GMEB1: variants seen among roughly 807,000 people sequenced by gnomAD.
The protein encoded by GMEB1 is glucocorticoid modulatory element binding protein 1, also known as glucocorticoid modulatory element-binding protein 1.
In GMEB1, 6 loss-of-function variants were observed where a neutral mutation model predicts 52.4. That is an observed-to-expected ratio of 0.11 (90% CI 0.06 to 0.23). GMEB1 has a LOEUF of 0.23. Among genes scored for constraint, GMEB1 ranks in the 10% least tolerant of loss-of-function variants. The pLI is 1.00. For synonymous variants in GMEB1, 255 were observed against 244.9 expected, an observed-to-expected ratio of 1.04 and a Z score of -0.38; for missense variants, 486 against 685.6, an observed-to-expected ratio of 0.71 and a Z score of 3.25.
At chr1:28,691,899 G>A (rs917063766) in intron 4 of GMEB1, among the ~76,000 whole-genome samples, 190 bp downstream of exon 4, 2 of 151,504 alleles carry the variant, frequency 1.3e-5, no homozygotes, top group Admixed American at 1.3e-4. Flanking sequence ...AAGAACTTTG[G>A]GTTGGGTGTG....
intron 2 of GMEB1, among the ~76,000 whole-genome samples, chr1:28,688,908 T>TTTTTTTTTC (rs1669819548): frequency 6.6e-6 from 1 of 151,674 alleles, no homozygotes; most frequent in African/African-American, 2.4e-5. Flanking sequence ...TTTTTCTTTT[T>TTTTTTTTTC]TGAGACAGAG....
intron 4 of GMEB1, 116 bp from the exon 5 acceptor site, chr1:28,692,826 A>G (rs1670027258): frequency 1.9e-6 from 1 of 528,058 alleles, no homozygotes; most frequent in African/African-American, 1.9e-5. Flanking sequence ...TACAAGGCTT[A>G]GGATGTCATC....
At chr1:28,709,331 A>G (rs1670937638) in intron 8 of GMEB1, among the ~76,000 whole-genome samples, 1 of 151,988 alleles carries the variant, frequency 6.6e-6, no homozygotes, top group South Asian at 2.1e-4. Flanking sequence ...AATAAAAATA[A>G]TAATCTTGCA....
At chr1:28,696,102 C>G (rs1289650127) in intron 5 of GMEB1, among the ~76,000 whole-genome samples, 1 of 151,018 alleles carries the variant, frequency 6.6e-6, no homozygotes, top group African/African-American at 2.4e-5. Flanking sequence ...GGGTCTAACT[C>G]TGTCACCCAG....
At position 28,714,631 on chromosome 1, in the gene GMEB1, C is replaced by T. The variant is rs1312403891; in HGVS notation, c.1550C>T (p.Ala517Val). 8 of 1,614,108 alleles carry T rather than the reference C, an allele frequency of 5.0e-6. No homozygotes were observed. The highest frequency in any genetic ancestry group is 1.7e-5 in the Admixed American group (1 of 59,998). Residue 517 changes from alanine (A) to valine (V), a missense_variant, in exon 10 of 10, where the codon GCC (alanine) becomes GTC (valine). This residue lies in a region of GMEB1 where 153 missense variants were observed against 200.8 expected (regional missense o/e 0.76). Transcript: ENST00000373816. ...CAGACCATCATTGAGATTGATCCAG[C>T]CCCGGACCCAGAAGCTGAAGATACT... Reference protein sequence around the residue: ...DGQTIIEIDPAPDPEAEDTEG... With the variant: ...DGQTIIEIDPVPDPEAEDTEG...
At chr1:28,679,228 A>T (rs1283112346) in intron 1 of GMEB1, among the ~76,000 whole-genome samples, 1 of 150,780 alleles carries the variant, frequency 6.6e-6, no homozygotes, top group Non-Finnish European at 1.5e-5. Flanking sequence ...CCCAGGCTGG[A>T]GTGCAGTGGC....
At chr1:28,682,194 T>C (rs966970477) in intron 1 of GMEB1, among the ~76,000 whole-genome samples, 1 of 152,196 alleles carries the variant, frequency 6.6e-6, no homozygotes, top group Admixed American at 6.6e-5. Flanking sequence ...CTCTGAGTTT[T>C]CATTAAGATT....
At chr1:28,698,026 G>C (rs921575044) in intron 6 of GMEB1, among the ~76,000 whole-genome samples, 1 of 152,130 alleles carries the variant, frequency 6.6e-6, no homozygotes, top group Non-Finnish European at 1.5e-5. Context: ...TGCAGTCCCA[G>C]CTGCTGGGGA....
chr1:28,670,164 T>TATTTATTTATTTATTTATTTATTG (rs1282472409), intron 1 of GMEB1, among the ~76,000 whole-genome samples: 2 of 152,100 alleles, frequency 1.3e-5, no homozygotes, highest in Admixed American at 1.3e-4. Context: ...TTTATTTATT[T>TATTTATTTATTTATTTATTTATTG]ATTTATTTAT....
intron 1 of GMEB1, among the ~76,000 whole-genome samples, chr1:28,673,121 C>G (rs1000243431): frequency 2.6e-5 from 4 of 152,028 alleles, no homozygotes; most frequent in African/African-American, 9.7e-5. Flanking sequence ...CTTGAACTCC[C>G]CACCTCAGGT....
At chr1:28,686,628 CAAA>C (rs67007069) in intron 2 of GMEB1, among the ~76,000 whole-genome samples, 9 of 94,256 alleles carry the variant, frequency 9.5e-5, no homozygotes, top group South Asian at 3.7e-4. Flanking sequence ...GATTCTGTCT[CAAA>C]AAAAAAAAAA....
intron 8 of GMEB1, among the ~76,000 whole-genome samples, chr1:28,705,893 G>A (rs1467126155): frequency 2.0e-5 from 3 of 151,412 alleles, no homozygotes; most frequent in Admixed American, 6.6e-5. Context: ...GGTGGCTCAC[G>A]CCTGTAATCC....
At chr1:28,707,889 A>G (rs1670854438) in intron 8 of GMEB1, among the ~76,000 whole-genome samples, 1 of 152,004 alleles carries the variant, frequency 6.6e-6, no homozygotes, top group Non-Finnish European at 1.5e-5. Flanking sequence ...CAATTAACAC[A>G]AATACTGACA....
At chr1:28,691,503 G>C (rs1014076895) in intron 3 of GMEB1, 82 bp from the exon 4 acceptor site, 1 of 1,010,324 alleles carries the variant, frequency 9.9e-7, no homozygotes, top group East Asian at 3.0e-5. Context: ...GTCCCTTAGA[G>C]GAACCAGGAG....
chr1:28,706,330 C>A (rs191772942), intron 8 of GMEB1, among the ~76,000 whole-genome samples: 1 of 151,856 alleles, frequency 6.6e-6, no homozygotes, highest in South Asian at 2.1e-4. Context: ...ATGGGCCAGG[C>A]GTTGTGGCTC....
At chr1:28,687,199 T>G (rs1282006192) in intron 2 of GMEB1, among the ~76,000 whole-genome samples, 3 of 151,292 alleles carry the variant, frequency 2.0e-5, no homozygotes, top group Admixed American at 1.3e-4. Context: ...TAGCCAGATG[T>G]GGTGGCATAT....
intron 6 of GMEB1, 78 bp downstream of exon 6, chr1:28,697,162 C>CATATATATATATATAT (rs71586855): frequency 5.2e-4 from 78 of 149,082 alleles, no homozygotes; most frequent in African/African-American, 9.1e-4. Context: ...CTTGTGTGTA[C>CATATATATATATATAT]ATATATATAT....
At chr1:28,689,934 TC>T in intron 2 of GMEB1, 169 bp from the exon 3 acceptor site, 2 of 508,756 alleles carry the variant, frequency 3.9e-6, no homozygotes, top group Non-Finnish European at 6.9e-6. Context: ...TGCTAAGCAA[TC>T]CTGGGAGGTT....
At chr1:28,692,572 C>T (rs1670018230) in intron 4 of GMEB1, among the ~76,000 whole-genome samples, 1 of 151,722 alleles carries the variant, frequency 6.6e-6, no homozygotes, top group African/African-American at 2.4e-5. Flanking sequence ...CAAAAAAATA[C>T]ATGATTGATA....
Sources: gnomAD v4.1 joint callset for allele counts (sites outside exome capture counted in the v4.1 genomes callset) on GRCh38, gnomAD v4.1.1 for gene constraint, gnomAD v4.1.1 regional missense constraint, MANE v1.5 for transcripts, NCBI Gene and HGNC (gene_info 2026-07-23, HGNC 2026-07-21) for gene names.